The following NOS1AP variants were observed in gnomAD, a reference collection of about 807,000 sequenced individuals.
NOS1AP encodes carboxyl-terminal PDZ ligand of neuronal nitric oxide synthase protein.
In NOS1AP, 21 loss-of-function variants were observed where a neutral mutation model predicts 56.2. The ratio of observed to expected loss-of-function variants is 0.37; its 90% CI spans 0.26 to 0.54. The LOEUF (loss-of-function observed/expected upper bound fraction) is 0.54. Among genes scored for constraint, NOS1AP ranks in the 20% least tolerant of loss-of-function variants. The pLI is 0.84. For missense variants in NOS1AP, 522 were observed against 657.8 expected (o/e 0.79, Z 2.26); for synonymous variants, 270 against 274.6 (o/e 0.98, Z 0.17).
chr1:162,070,543 G>T (rs184241105), intron 1 of NOS1AP, among the ~76,000 whole-genome samples: 2 of 152,236 alleles, frequency 1.3e-5, no homozygotes, highest in Non-Finnish European at 2.9e-5. Flanking sequence ...ATCCTTACCC[G>T]CCTAGGACTG....
chr1:162,270,401 G>A (rs959618070), intron 2 of NOS1AP, among the ~76,000 whole-genome samples: 2 of 152,220 alleles, frequency 1.3e-5, no homozygotes, highest in African/African-American at 4.8e-5. Context: ...TTGAGAAGAT[G>A]AGAAAGAACC....
At chr1:162,344,673 C>T (rs989658856) in intron 6 of NOS1AP, among the ~76,000 whole-genome samples, 2 of 149,954 alleles carry the variant, frequency 1.3e-5, no homozygotes, top group African/African-American at 2.5e-5. Flanking sequence ...ATTGTGCCAC[C>T]GCACTCCAGC....
intron 1 of NOS1AP, among the ~76,000 whole-genome samples, chr1:162,087,857 G>C (rs1182829357): frequency 1.3e-5 from 2 of 152,120 alleles, no homozygotes; most frequent in East Asian, 1.9e-4. Context: ...GAGAAAACTT[G>C]TGATCTCTGT....
intron 2 of NOS1AP, among the ~76,000 whole-genome samples, chr1:162,197,533 A>G (rs1651848992): frequency 6.6e-6 from 1 of 152,114 alleles, no homozygotes; most frequent in Non-Finnish European, 1.5e-5. Context: ...GTCTGTTCCT[A>G]AAAATAAGTC....
chr1:162,071,358 A>G (rs1691656338), intron 1 of NOS1AP, among the ~76,000 whole-genome samples: 1 of 152,218 alleles, frequency 6.6e-6, no homozygotes, highest in Admixed American at 6.5e-5. Context: ...GCAGGCTGTT[A>G]GCATCTCACG....
At chr1:162,145,792 C>G (rs943396229) in intron 1 of NOS1AP, among the ~76,000 whole-genome samples, 1 of 152,106 alleles carries the variant, frequency 6.6e-6, no homozygotes, top group African/African-American at 2.4e-5. Flanking sequence ...TTTCTTTATG[C>G]TTTTGTGTGT....
rs143438280 is a variant in NOS1AP at position 162,138,954 on chromosome 1, T to G, written c.106-15451T>G. ...GGCAGTGCCAGGCAAACTGGGATGG[T>G]TGGTCAACCTAACTATACTTGCAGA... is the stretch of plus-strand genomic sequence containing the variant. On this transcript the variant is annotated intron_variant, in intron 1 of 9. Transcript: ENST00000361897. 3.4e-4 allele frequency among the ~76,000 whole-genome samples: 52 copies of G among 152,290 alleles called. No homozygotes were observed. In the East Asian group the frequency reaches 9.5e-3, roughly 28 times the overall value.
intron 1 of NOS1AP, among the ~76,000 whole-genome samples, chr1:162,073,876 G>T (rs1462632306): frequency 6.6e-6 from 1 of 152,178 alleles, no homozygotes; most frequent in Non-Finnish European, 1.5e-5. Context: ...ATGCTGGTGG[G>T]TGGGTAAATC....
chr1:162,254,621 C>T lies in NOS1AP; in HGVS notation c.178-32723C>T, dbSNP rs1002192017. Among the ~76,000 whole-genome samples the T allele has an allele frequency of 4.6e-5, 7 of 152,272 alleles. No homozygotes were observed. In the South Asian group the frequency reaches 6.2e-4, roughly 14 times the overall value. On this transcript the variant is annotated intron_variant, in intron 2 of 9. Transcript: ENST00000361897. Reference sequence around the variant, plus strand: ...TGGATGTGTTTTCTACAGTAGCTAGCGTGTCACAAGAGGATGCGACTGGTG... The same window carrying T: ...TGGATGTGTTTTCTACAGTAGCTAGTGTGTCACAAGAGGATGCGACTGGTG...
At chr1:162,305,943 A>G (rs1261860634) in intron 4 of NOS1AP, among the ~76,000 whole-genome samples, 13 of 152,216 alleles carry the variant, frequency 8.5e-5, no homozygotes, top group Non-Finnish European at 8.8e-5. Context: ...GTTCAATTAA[A>G]TGTAATTGAT....
intron 6 of NOS1AP, among the ~76,000 whole-genome samples, chr1:162,347,329 A>G (rs1180835499): frequency 6.6e-6 from 1 of 152,256 alleles, no homozygotes; most frequent in Non-Finnish European, 1.5e-5. Flanking sequence ...ATACACATGT[A>G]CAAAGAAAGT....
chr1:162,344,692 C>T (rs1229081753), intron 6 of NOS1AP, among the ~76,000 whole-genome samples: 1 of 134,416 alleles, frequency 7.4e-6, no homozygotes, highest in African/African-American at 2.9e-5. Flanking sequence ...GCTTGGGCTA[C>T]AGAGCTAGGC....
chr1:162,327,231 A>G (rs1656620651), intron 4 of NOS1AP, among the ~76,000 whole-genome samples: 1 of 152,152 alleles, frequency 6.6e-6, no homozygotes, highest in Non-Finnish European at 1.5e-5. Flanking sequence ...CAAATTAGAA[A>G]CACTAGAACA....
chr1:162,118,627 C>A (rs769324948), intron 1 of NOS1AP, among the ~76,000 whole-genome samples: 1 of 152,166 alleles, frequency 6.6e-6, no homozygotes, highest in Non-Finnish European at 1.5e-5. Flanking sequence ...CATTAAAAAA[C>A]CCCAAACCAA....
At position 162,329,037 on chromosome 1, in the gene NOS1AP, C is replaced by T. The variant is rs183414615; in HGVS notation, c.345-3980C>T. ...TGGTGAATCTAGTTGTTTTTAAAAT[C>T]ACGTTGTCAACCTAAATTCCAGCAT... On this transcript the variant is annotated intron_variant, in intron 4 of 9. Transcript: ENST00000361897. 2.1e-3 allele frequency among the ~76,000 whole-genome samples: 314 copies of T among 152,136 alleles called. 2 individuals are homozygous for T. Among genetic ancestry groups the T allele is most frequent in the African/African-American group, 7.2e-3 (299 of 41,514 alleles).
At chr1:162,238,288 C>T (rs568213012) in intron 2 of NOS1AP, among the ~76,000 whole-genome samples, 49 of 152,164 alleles carry the variant, frequency 3.2e-4, no homozygotes, top group East Asian at 7.7e-4. Context: ...CACTAACCCC[C>T]TCAGCTGGGT....
At chr1:162,285,008 GT>G (rs1655046718) in intron 2 of NOS1AP, among the ~76,000 whole-genome samples, 1 of 152,224 alleles carries the variant, frequency 6.6e-6, no homozygotes, top group African/African-American at 2.4e-5. Context: ...GCAGAGGTAG[GT>G]ACTTGATATT....
At chr1:162,232,749 T>C (rs1653162889) in intron 2 of NOS1AP, among the ~76,000 whole-genome samples, 1 of 152,078 alleles carries the variant, frequency 6.6e-6, no homozygotes, top group African/African-American at 2.4e-5. Flanking sequence ...AAGCAAATAG[T>C]TATTTGCTTT....
chr1:162,217,517 G>A (rs1652621830), intron 2 of NOS1AP, among the ~76,000 whole-genome samples: 1 of 151,866 alleles, frequency 6.6e-6, no homozygotes, highest in Admixed American at 6.6e-5. Flanking sequence ...CACCTGCCTT[G>A]GCCTCCCAAA....
Sources: gnomAD v4.1 joint callset for allele counts (sites outside exome capture counted in the v4.1 genomes callset) on GRCh38, gnomAD v4.1.1 for gene constraint, MANE v1.5 for transcripts, NCBI Gene and HGNC (gene_info 2026-07-23, HGNC 2026-07-21) for gene names.